EFCAB6: variants seen among roughly 807,000 people sequenced by gnomAD.
EFCAB6 encodes the protein EF-hand calcium-binding domain-containing protein 6.
Under a neutral mutation model 169.8 loss-of-function variants are expected in EFCAB6, and 156 were observed. The observed-to-expected ratio is 0.92, with a 90% CI of 0.81 to 1.05. The LOEUF (loss-of-function observed/expected upper bound fraction) is 1.05, where lower values mean the gene tolerates loss of function less well. Ranked by LOEUF, EFCAB6 falls within the 50% of genes least tolerant of loss-of-function variation. The pLI is 0.00. For synonymous variants in EFCAB6, 698 were observed against 676.4 expected (o/e 1.03, Z -0.50); for missense variants, 1,800 against 1,829.1 (o/e 0.98, Z 0.29).
At chr22:43,782,392 C>G (rs2061856039) in intron 2 of EFCAB6, 67 bp from the exon 3 acceptor site, 1 of 1,392,318 alleles carries the variant, frequency 7.2e-7, no homozygotes, top group African/African-American at 1.4e-5. Flanking sequence ...GGCCAATTTC[C>G]TATCTATTCC....
intron 11 of EFCAB6, 107 bp downstream of exon 11, chr22:43,687,364 A>C: frequency 1.4e-6 from 1 of 695,788 alleles, no homozygotes; most frequent in Non-Finnish European, 2.3e-6. Flanking sequence ...AATGGAGACT[A>C]ATCGATCATT....
At chr22:43,761,190 G>A (rs1015921380) in intron 5 of EFCAB6, among the ~76,000 whole-genome samples, 3 of 152,188 alleles carry the variant, frequency 2.0e-5, no homozygotes, top group Admixed American at 6.5e-5. Context: ...ACATTGTGCT[G>A]CCTTGATCTT....
intron 26 of EFCAB6, among the ~76,000 whole-genome samples, chr22:43,574,295 T>C (rs1194964023): frequency 2.6e-5 from 4 of 151,770 alleles, no homozygotes; most frequent in Non-Finnish European, 4.4e-5. Flanking sequence ...ATCTCCACCA[T>C]GTAAAAAAAT....
intron 3 of EFCAB6, 54 bp from the exon 4 acceptor site, chr22:43,773,157 CAG>C: frequency 1.1e-5 from 18 of 1,574,096 alleles, no homozygotes; most frequent in Non-Finnish European, 1.6e-5. Context: ...AGATACTAAA[CAG>C]AAACTCTTGC....
At chr22:43,678,283 T>C (rs750944938) in intron 12 of EFCAB6, 120 bp from the exon 13 acceptor site, 1 of 901,410 alleles carries the variant, frequency 1.1e-6, no homozygotes, top group Non-Finnish European at 1.6e-6. Context: ...GAATTATGAT[T>C]GGAAATGCAA....
At chr22:43,717,895 C>G (rs1225556969) in intron 8 of EFCAB6, among the ~76,000 whole-genome samples, 2 of 152,130 alleles carry the variant, frequency 1.3e-5, no homozygotes, top group African/African-American at 4.8e-5. Flanking sequence ...GTCCATCAAG[C>G]CTATGAAATA....
intron 4 of EFCAB6, among the ~76,000 whole-genome samples, chr22:43,766,034 T>G (rs1377259454): frequency 6.6e-6 from 1 of 151,920 alleles, no homozygotes; most frequent in Admixed American, 6.6e-5. Context: ...GTTTTTTGTT[T>G]GTTTTTGTTT....
Position 43,632,191 on chromosome 22 carries a change from G to C in EFCAB6, c.2146C>G (p.Pro716Ala). ...TGGCTGTTCACGTAACTTTTTGAAG[G>C]AGTTGGAGGCTGCGGCGGAGTGGTT... ...PETTPPQPPTPSKSYVNSHFI... is the reference protein window; with the variant it reads ...PETTPPQPPTASKSYVNSHFI... The change falls in exon 19 of 32, where the codon CCT becomes GCT. Residue 716 changes from proline to alanine, a missense_variant. Physicochemically the swap from Pro to Ala is conservative, Grantham distance 27. Coordinates refer to ENST00000262726, the MANE Select transcript of EFCAB6 (RefSeq NM_022785.4). 3 of 1,614,164 alleles carry C rather than the reference G, an allele frequency of 1.9e-6. No homozygotes were observed. The highest frequency in any genetic ancestry group is 2.5e-6 in the Non-Finnish European group (3 of 1,179,998).
rs182257933 is a variant in EFCAB6, at chr22:43,720,765, C to T, written c.758-3793G>A. On this transcript the variant is annotated intron_variant, in intron 8 of 31. Transcript: ENST00000262726. ...AGATCCTATCTTTTGGATAGGGAAT[C>T]CAAAAGATACAATACATATGATATG... is the stretch of plus-strand genomic sequence containing the variant. Among the ~76,000 whole-genome samples the T allele has an allele frequency of 9.9e-5, 15 of 151,548 alleles. No individual in the cohort carries two copies. In the East Asian group the frequency reaches 2.7e-3, roughly 28 times the overall value.
intron 5 of EFCAB6, among the ~76,000 whole-genome samples, chr22:43,764,393 T>G (rs1344832164): frequency 6.6e-6 from 1 of 152,220 alleles, no homozygotes; most frequent in Non-Finnish European, 1.5e-5. Flanking sequence ...GGCTGCATAG[T>G]ATTCCATGGT....
rs935149700 is a variant in EFCAB6 at position 43,784,670 on chromosome 22, C to T, written c.-7-2345G>A. On this transcript the variant is annotated intron_variant, in intron 2 of 31. Coordinates refer to ENST00000262726, the MANE Select transcript of EFCAB6 (RefSeq NM_022785.4). ...ATATATATGTGTATATATACATATACATATATACACACACACACACACACA... is the reference window on the plus strand; with the variant it reads ...ATATATATGTGTATATATACATATATATATATACACACACACACACACACA... Among the ~76,000 whole-genome samples, 93 of 55,498 alleles carry T rather than the reference C, an allele frequency of 1.7e-3. 2 individuals carry two copies. The highest frequency in any genetic ancestry group is 3.1e-3 in the Admixed American group (11 of 3,508). The allele number at this position is 55,498 out of a possible 152,430, so 36.4% of individuals were successfully genotyped here. A position where few individuals can be genotyped will look rare whatever the true frequency, so the allele number is the denominator to read the frequency against.
intron 24 of EFCAB6, among the ~76,000 whole-genome samples, chr22:43,589,252 A>T (rs1312063839): frequency 9.1e-6 from 1 of 109,436 alleles, no homozygotes; most frequent in Admixed American, 1.2e-4. Context: ...CCGTGTTACC[A>T]TCTGGGTAAC....
At chr22:43,599,383 G>A (rs1284778691) in intron 23 of EFCAB6, among the ~76,000 whole-genome samples, 1 of 151,740 alleles carries the variant, frequency 6.6e-6, no homozygotes, top group Non-Finnish European at 1.5e-5. Flanking sequence ...GGTGGCGTGT[G>A]CCTGTAATCC....
intron 23 of EFCAB6, 135 bp from the exon 24 acceptor site, chr22:43,590,364 G>A (rs2051397839): frequency 1.0e-6 from 1 of 974,910 alleles, no homozygotes; most frequent in South Asian, 2.1e-5. Context: ...ATGTTTTACA[G>A]CCTCAGTGTA....
chr22:43,555,698 C>T (rs774697708), intron 26 of EFCAB6, among the ~76,000 whole-genome samples: 4 of 152,194 alleles, frequency 2.6e-5, no homozygotes, highest in Non-Finnish European at 5.9e-5. Flanking sequence ...ACAGTGGGCA[C>T]GGGTCCCAGG....
At chr22:43,588,326 G>A (rs1228016254) in intron 24 of EFCAB6, among the ~76,000 whole-genome samples, 2 of 152,116 alleles carry the variant, frequency 1.3e-5, no homozygotes, top group African/African-American at 4.8e-5. Flanking sequence ...AGACTTATCT[G>A]GTAAAGAAAA....
chr22:43,744,156 T>TGGGTA lies in EFCAB6; in HGVS notation c.508-8164_508-8163insTACCC, dbSNP rs2060478543. 6.6e-6 allele frequency among the ~76,000 whole-genome samples: 1 copy of TGGGTA among 150,888 alleles called. No individual in the cohort carries two copies. Among genetic ancestry groups the TGGGTA allele is most frequent in the Non-Finnish European group, 1.5e-5 (1 of 67,800 alleles). On this transcript the variant is annotated intron_variant, in intron 6 of 31. Transcript: ENST00000262726. The surrounding 1 kb of genome is among the most constrained non-coding windows in gnomAD (Gnocchi z 4.3). ...ATGGATGGGTAGATGGATGGATGGA[T>TGGGTA]GATGGATAGATGGGTAGATGGATGA...
intron 22 of EFCAB6, among the ~76,000 whole-genome samples, chr22:43,603,965 C>A (rs754905800): frequency 2.0e-5 from 3 of 152,160 alleles, no homozygotes; most frequent in Admixed American, 2.0e-4. Flanking sequence ...GTGCTGTTCT[C>A]GTGATATTGA....
At chr22:43,580,703 C>T in intron 24 of EFCAB6, 44 bp from the exon 25 acceptor site, 7 of 1,594,566 alleles carry the variant, frequency 4.4e-6, no homozygotes, top group Non-Finnish European at 5.1e-6. Context: ...TTTAAAAAGC[C>T]ACCCTACTGC....
Sources: gnomAD v4.1 joint callset for allele counts (sites outside exome capture counted in the v4.1 genomes callset) on GRCh38, gnomAD v4.1.1 for gene constraint, Gnocchi (gnomAD v3.1) non-coding constraint, MANE v1.5 for transcripts, NCBI Gene and HGNC (gene_info 2026-07-23, HGNC 2026-07-21) for gene names.